The following PLCE1 variants were observed in gnomAD, a reference collection of about 807,000 sequenced individuals.
PLCE1 encodes the protein 1-phosphatidylinositol 4,5-bisphosphate phosphodiesterase epsilon-1.
A neutral mutation model predicts 242.8 loss-of-function variants in PLCE1; 119 were observed. The ratio of observed to expected loss-of-function variants is 0.49; its 90% CI spans 0.42 to 0.57. The LOEUF is 0.57. PLCE1 is among the 20% of genes least tolerant of loss of function. The pLI, the probability that PLCE1 is intolerant of heterozygous loss-of-function variation, is 0.00. For synonymous variants in PLCE1, 945 were observed against 1,017.4 expected (o/e 0.93, Z 1.35); for missense variants, 2,441 against 2,788.8 (o/e 0.88, Z 2.81).
chr10:94,254,817 C>T (rs893462193), intron 10 of PLCE1, 76 bp from the exon 11 acceptor site: 2 of 1,515,466 alleles, frequency 1.3e-6, no homozygotes, highest in African/African-American at 1.4e-5. Flanking sequence ...ATCCAGAAGC[C>T]TCTCTGGTTT....
At position 94,297,808 on chromosome 10, in the gene PLCE1, T is replaced by G. The variant is rs138385620; in HGVS notation, c.5168-571T>G. Among the ~76,000 whole-genome samples the G allele has an allele frequency of 3.3e-5, 5 of 152,298 alleles. No homozygotes were observed. In the East Asian group the frequency reaches 9.6e-4, roughly 29 times the overall value. On this transcript the variant is annotated intron_variant, in intron 23 of 32. Transcript: ENST00000371380. ...TCCACTGCATGGATATACTGTCATT[T>G]ATGGAATCACTTCTTCACTGATACA... is the stretch of plus-strand genomic sequence containing the variant.
At chr10:94,146,444 C>G (rs933700383) in intron 3 of PLCE1, among the ~76,000 whole-genome samples, 1 of 152,168 alleles carries the variant, frequency 6.6e-6, no homozygotes, top group Non-Finnish European at 1.5e-5. Flanking sequence ...TGCTGCTAAA[C>G]TCCTCCCCTG....
intron 24 of PLCE1, among the ~76,000 whole-genome samples, chr10:94,302,869 T>C (rs1231627065): frequency 1.3e-5 from 2 of 152,206 alleles, no homozygotes; most frequent in Non-Finnish European, 2.9e-5. Context: ...GTTAGTACTG[T>C]ATGTCCATTT....
intron 3 of PLCE1, among the ~76,000 whole-genome samples, chr10:94,134,656 C>A (rs1051748679): frequency 3.3e-5 from 5 of 152,164 alleles, no homozygotes; most frequent in Non-Finnish European, 7.4e-5. Flanking sequence ...GGCTGCCCAA[C>A]CAAGGCAGGC....
At chr10:94,171,562 C>G in intron 4 of PLCE1, 66 bp downstream of exon 4, 1 of 1,251,120 alleles carries the variant, frequency 8.0e-7, no homozygotes, top group Non-Finnish European at 1.2e-6. Flanking sequence ...AGCATACCTC[C>G]CCTTCTAGGT....
chr10:94,325,296 C>T (rs2053969542), intron 32 of PLCE1, 192 bp downstream of exon 32: 2 of 546,054 alleles, frequency 3.7e-6, no homozygotes, highest in South Asian at 4.0e-5. Context: ...TGAACACCGC[C>T]TATAAAGAAA....
At chr10:94,233,487 A>C (rs1015833296) in intron 5 of PLCE1, among the ~76,000 whole-genome samples, 1 of 152,192 alleles carries the variant, frequency 6.6e-6, no homozygotes, top group Admixed American at 6.5e-5. Flanking sequence ...CTGCCAGAAA[A>C]ACTCAAACCT....
At chr10:94,153,425 C>A (rs1177399751) in intron 3 of PLCE1, among the ~76,000 whole-genome samples, 6 of 152,052 alleles carry the variant, frequency 3.9e-5, no homozygotes, top group Admixed American at 3.9e-4. Context: ...CTTCCCCAAC[C>A]TGATAAAGTG....
chr10:94,236,268 C>A, intron 7 of PLCE1, 148 bp downstream of exon 7: 1 of 672,682 alleles, frequency 1.5e-6, no homozygotes. Flanking sequence ...ATCTTCAAAC[C>A]TTACCAATTC....
At chr10:93,998,080 G>A (rs1029690205) in intron 1 of PLCE1, among the ~76,000 whole-genome samples, 16 of 152,194 alleles carry the variant, frequency 1.1e-4, no homozygotes, top group African/African-American at 3.4e-4. Context: ...TGACTCAGTC[G>A]GAAGTCTTTC....
intron 4 of PLCE1, among the ~76,000 whole-genome samples, chr10:94,222,707 G>A (rs998118931): frequency 2.6e-5 from 4 of 152,164 alleles, no homozygotes; most frequent in Non-Finnish European, 5.9e-5. Context: ...ATCCTGGCTT[G>A]TGTGCCAGAG....
intron 2 of PLCE1, among the ~76,000 whole-genome samples, chr10:94,091,463 G>A (rs944973869): frequency 3.3e-5 from 5 of 152,180 alleles, no homozygotes; most frequent in African/African-American, 1.2e-4. Flanking sequence ...TTTGGGGTGT[G>A]AGGAGTAGAT....
intron 1 of PLCE1, among the ~76,000 whole-genome samples, chr10:94,016,683 G>A (rs1776842): frequency 0.55 from 83,279 of 152,090 alleles, 23,879 homozygotes; most frequent in East Asian, 0.75. Flanking sequence ...AAAAAGCTGG[G>A]AGGAAGTTAT....
intron 4 of PLCE1, among the ~76,000 whole-genome samples, chr10:94,212,446 CAG>C: frequency 6.6e-6 from 1 of 152,248 alleles, no homozygotes; most frequent in East Asian, 1.9e-4. Flanking sequence ...TTAGTAGAGA[CAG>C]GGTTTCACCG....
rs114605744 is a variant in PLCE1, at chr10:94,319,062, A to T, written c.6342+2306A>T. Among the ~76,000 whole-genome samples, 365 of 152,290 alleles carry T rather than the reference A, an allele frequency of 2.4e-3. 3 individuals are homozygous for T. The highest frequency in any genetic ancestry group is 8.4e-3 in the African/African-American group (348 of 41,542). ...GACTTCATCTTTAAAAACAAAAAAA[A>T]GTATATGACAACAGGCAGTAGGGAC... On this transcript the variant is annotated intron_variant, in intron 29 of 32. Transcript: ENST00000371380.
Position 94,280,113 on chromosome 10 carries a change from G to T in PLCE1, c.4795+202G>T. On this transcript the variant is annotated intron_variant, in intron 20 of 32. Transcript: ENST00000371380. ...TAGCCAACACTTACAGAAAGAAGAG[G>T]CAGGTGTGGGAAGTTACAGGGAGTC... 6.6e-6 allele frequency: 4 copies of T among 604,594 alleles called. No individual in the cohort carries two copies. The East Asian group carries it at 1.2e-4, about 17-fold the overall frequency. 37.5% of individuals were successfully genotyped at this position (604,594 alleles called of 1,614,324 possible). A position where few individuals can be genotyped will look rare whatever the true frequency, so the allele number is the denominator to read the frequency against.
chr10:94,262,689 A>G lies in PLCE1; in HGVS notation c.4010A>G (p.Gln1337Arg). The change falls in exon 14 of 33, where the codon CAA (glutamine) becomes CGA (arginine). Residue 1337 changes from glutamine (Q) to arginine (R), a missense_variant. By Grantham distance (43) the Gln-to-Arg change is conservative. This residue lies in a region of PLCE1 where 1,004 missense variants were observed against 1,322.7 expected (regional missense o/e 0.76). Transcript: ENST00000371380. Reference protein sequence around the residue: ...LQLNDFLVNCQGEHCTYDEIL... With the variant: ...LQLNDFLVNCRGEHCTYDEIL... ...CTCAACGATTTCCTCGTGAATTGCC[A>G]AGGAGAACACTGCACTTATGATGAA... 6.2e-7 allele frequency: 1 copy of G among 1,614,040 alleles called. No individual in the cohort carries two copies. The highest frequency in any genetic ancestry group is 8.5e-7 in the Non-Finnish European group (1 of 1,179,942).
intron 2 of PLCE1, among the ~76,000 whole-genome samples, chr10:94,071,235 C>G (rs1480789325): frequency 1.3e-5 from 2 of 152,018 alleles, no homozygotes; most frequent in Non-Finnish European, 2.9e-5. Context: ...TCACATCCTG[C>G]TTCCGTGTCC....
rs118118299 is a variant in PLCE1 at position 94,266,142 on chromosome 10, C to T, written c.4281+184C>T. On this transcript the variant is annotated intron_variant, in intron 16 of 32. Coordinates refer to ENST00000371380, the MANE Select transcript of PLCE1 (RefSeq NM_016341.4). ...TATACTACAGCAGTCGTTTTCTTTA[C>T]TTCTTTTGTTTTGTTTTCCCCCATC... 1.8e-3 allele frequency among the ~76,000 whole-genome samples: 277 copies of T among 152,090 alleles called. 1 individual carries two copies. Among genetic ancestry groups the T allele is most frequent in the Admixed American group, 3.5e-3 (53 of 15,276 alleles).
Sources: allele counts gnomAD v4.1 joint callset (sites outside exome capture counted in the v4.1 genomes callset), GRCh38; gene constraint gnomAD v4.1.1; regional missense constraint gnomAD v4.1.1; transcripts MANE v1.5; gene names NCBI Gene and HGNC (gene_info 2026-07-23, HGNC 2026-07-21).